ASPM: variants seen among roughly 807,000 people sequenced by gnomAD.
ASPM encodes the protein abnormal spindle-like microcephaly-associated protein.
ASPM carries 256 observed loss-of-function variants against 366.4 expected under a neutral mutation model. The ratio of observed to expected loss-of-function variants is 0.70; its 90% CI spans 0.63 to 0.77. The LOEUF is 0.77. Among genes scored for constraint, ASPM ranks in the 30% least tolerant of loss-of-function variants. The probability of loss-of-function intolerance (pLI) is 0.00; values close to 1 mark genes in which losing one functional copy is unlikely to be tolerated. For missense variants in ASPM, 4,146 were observed against 4,090.4 expected, an observed-to-expected ratio of 1.01 and a Z score of -0.37; for synonymous variants, 1,414 against 1,342.9, an observed-to-expected ratio of 1.05 and a Z score of -1.16.
intron 10 of ASPM, 72 bp from the exon 11 acceptor site, chr1:197,125,263 G>C: frequency 2.0e-6 from 3 of 1,527,748 alleles, no homozygotes; most frequent in Non-Finnish European, 2.7e-6. Flanking sequence ...CTGAAATATA[G>C]TTATTTCCCA....
In ASPM at chr1:197,102,851, T is replaced by C; in HGVS notation, c.6400A>G (p.Ile2134Val). 3 of 1,612,570 alleles carry C rather than the reference T, an allele frequency of 1.9e-6. No homozygotes were observed. Among genetic ancestry groups the C allele is most frequent in the Admixed American group, 1.7e-5 (1 of 59,868 alleles). ...KAMFKMHQSR[I>V]SYHTMRKAAI... The stretch of plus-strand genomic sequence containing the variant: ...GCTTTTCTCATTGTATGGTAACTTA[T>C]TCTTGACTGATGCATTTTAAACATG... The change falls in exon 18 of 28, where the codon ATA (isoleucine) becomes GTA (valine). Residue 2134 changes from isoleucine to valine, a missense_variant. Transcript: ENST00000367409.
At chr1:197,116,046 T>C (rs927548691) in intron 17 of ASPM, among the ~76,000 whole-genome samples, 2 of 152,230 alleles carry the variant, frequency 1.3e-5, no homozygotes, top group African/African-American at 2.4e-5. Context: ...TTTGTCTAGA[T>C]TGAAAACTTT....
chr1:197,117,414 G>A (rs893280659), intron 17 of ASPM, among the ~76,000 whole-genome samples: 15 of 151,994 alleles, frequency 9.9e-5, no homozygotes, highest in Non-Finnish European at 1.0e-4. Flanking sequence ...AGAGAAAAAT[G>A]TGTACAGTTG....
Position 197,101,891 on chromosome 1 carries a change from A to G in ASPM, c.7360T>C (p.Phe2454Leu). 4 of 1,612,880 alleles carry G rather than the reference A, an allele frequency of 2.5e-6. No homozygotes were observed. The highest frequency in any genetic ancestry group is 3.4e-6 in the Non-Finnish European group (4 of 1,179,318). ...TICAKHKLYQ[F>L]LHLRKAAITI... ...ATGGCTGCCTTTCTTAAGTGCAAGA[A>G]TTGGTACAATTTATGTTTGGCACAA... The change falls in exon 18 of 28, where the codon TTC becomes CTC. Residue 2454 changes from phenylalanine to leucine, a missense_variant. Physicochemically the swap from Phe to Leu is conservative, Grantham distance 22 (BLOSUM62 0). Transcript: ENST00000367409.
chr1:197,137,449 A>C (rs1045397554), intron 4 of ASPM, among the ~76,000 whole-genome samples: 29 of 152,216 alleles, frequency 1.9e-4, no homozygotes, highest in African/African-American at 6.5e-4. Context: ...ATGATTTAAC[A>C]ACATGTATAA....
At chr1:197,130,132 A>C (rs1157221482) in intron 7 of ASPM, 76 bp from the exon 8 acceptor site, 8 of 1,470,642 alleles carry the variant, frequency 5.4e-6, no homozygotes, top group Non-Finnish European at 7.5e-6. Flanking sequence ...GGAATGGCAG[A>C]CCATAACCTA....
At chr1:197,120,482 A>T (rs1657874929) in intron 16 of ASPM, among the ~76,000 whole-genome samples, 1 of 152,182 alleles carries the variant, frequency 6.6e-6, no homozygotes, top group Non-Finnish European at 1.5e-5. Context: ...GTGAGCCAAG[A>T]TCGTGCTATT....
In ASPM at chr1:197,103,713, A is replaced by G. The variant is rs138311889; in HGVS notation, c.5538T>C (p.Ser1846=). 53 of 1,612,768 alleles carry G rather than the reference A, an allele frequency of 3.3e-5. No individual in the cohort carries two copies. The Admixed American group carries it at 4.7e-4, about 14-fold the overall frequency. The stretch of plus-strand genomic sequence containing the variant: ...GAATCTTTATTATAGATTGAAGCAC[A>G]GATTGATATTTTACCCTTTTATTAT... ...RGYNKRVKYQ[S]VLQSIIKIQR... is the part of the protein sequence containing the mutation. Residue 1846 remains serine (S), a synonymous_variant, in exon 18 of 28, where the codon TCT becomes TCC. Transcript: ENST00000367409.
rs771571592 is a variant in ASPM at position 197,143,981 on chromosome 1, A to G, written c.417T>C (p.Asn139=). 6.2e-7 allele frequency: 1 copy of G among 1,607,984 alleles called. No individual in the cohort carries two copies. Among genetic ancestry groups the G allele is most frequent in the Non-Finnish European group, 8.5e-7 (1 of 1,174,708 alleles). The change falls in exon 2 of 28, where the codon AAT becomes AAC. Residue 139 remains asparagine, a synonymous_variant. Coordinates refer to ENST00000367409, the MANE Select transcript of ASPM (RefSeq NM_018136.5). The part of the protein sequence containing the change: ...VLKHQAILLG[N]AEEQKKKKRS... ...CCTTTTTCTTTTTCTGCTCTTCTGC[A>G]TTTCCTAGTAATATAGCTTGGTGTT...
intron 19 of ASPM, among the ~76,000 whole-genome samples, chr1:197,095,223 A>G (rs944892159): frequency 6.6e-6 from 1 of 151,716 alleles, no homozygotes; most frequent in Admixed American, 6.6e-5. Flanking sequence ...CCCATTAACC[A>G]GCCTGTCGTT....
chr1:197,122,722 C>A (rs747774123), intron 13 of ASPM, 127 bp from the exon 14 acceptor site: 7 of 894,878 alleles, frequency 7.8e-6, no homozygotes, highest in Non-Finnish European at 1.3e-5. Flanking sequence ...CAAGTAATGG[C>A]AAGTTTGACT....
intron 19 of ASPM, among the ~76,000 whole-genome samples, chr1:197,094,569 G>A (rs778051713): frequency 2.6e-5 from 4 of 151,642 alleles, no homozygotes; most frequent in Non-Finnish European, 4.4e-5. Flanking sequence ...TTGAGCAGAC[G>A]GGAGGTGGTT....
chr1:197,085,831 T>C (rs1656572554), intron 27 of ASPM, among the ~76,000 whole-genome samples: 1 of 152,160 alleles, frequency 6.6e-6, no homozygotes, highest in Non-Finnish European at 1.5e-5. Context: ...GGTAGTTTCC[T>C]AACTGTATAC....
At chr1:197,138,745 C>T (rs1326643884) in intron 4 of ASPM, 2 of 709,682 alleles carry the variant, frequency 2.8e-6, no homozygotes, top group African/African-American at 1.8e-5. Flanking sequence ...TTAAGAGAAA[C>T]GATTATTTCT....
chr1:197,087,020 T>C lies in ASPM; in HGVS notation c.10162-48A>G, dbSNP rs956355075. On this transcript the variant is annotated intron_variant, in intron 26 of 27. Coordinates refer to ENST00000367409, the MANE Select transcript of ASPM (RefSeq NM_018136.5). Reference sequence around the variant, plus strand: ...ACTAAAAAGTAATAAGAATTAAAATTTTATCTCTTTTAGACTAGCAAAATC... The same window carrying C: ...ACTAAAAAGTAATAAGAATTAAAATCTTATCTCTTTTAGACTAGCAAAATC... 8 of 1,505,540 alleles carry C rather than the reference T, an allele frequency of 5.3e-6. No homozygotes were observed. In the Admixed American group the frequency reaches 1.4e-4, roughly 27 times the overall value. 93.3% of individuals were successfully genotyped at this position (1,505,540 alleles called of 1,614,324 possible).
At chr1:197,121,396 A>C (rs575552114) in intron 16 of ASPM, among the ~76,000 whole-genome samples, 3 of 152,274 alleles carry the variant, frequency 2.0e-5, no homozygotes, top group Non-Finnish European at 4.4e-5. Flanking sequence ...AATAGCAGAA[A>C]CCAAAATACC....
chr1:197,095,971 A>T, intron 19 of ASPM, 27 bp downstream of exon 19: 1 of 1,575,326 alleles, frequency 6.3e-7, no homozygotes, highest in South Asian at 1.1e-5. Flanking sequence ...ATACTTTTAC[A>T]CTCTCCACAG....
chr1:197,126,966 C>T (rs1658108746), intron 10 of ASPM, among the ~76,000 whole-genome samples: 1 of 152,156 alleles, frequency 6.6e-6, no homozygotes, highest in Admixed American at 6.5e-5. Context: ...CCACATTCAT[C>T]TTCCTGAAAT....
At chr1:197,107,875 A>C (rs1365576931) in intron 17 of ASPM, among the ~76,000 whole-genome samples, 1 of 152,144 alleles carries the variant, frequency 6.6e-6, no homozygotes, top group Non-Finnish European at 1.5e-5. Flanking sequence ...CAATTATGCT[A>C]TTGTAGTACA....
Sources: gnomAD v4.1 joint callset for allele counts (sites outside exome capture counted in the v4.1 genomes callset) on GRCh38, gnomAD v4.1.1 for gene constraint, MANE v1.5 for transcripts, NCBI Gene and HGNC (gene_info 2026-07-23, HGNC 2026-07-21) for gene names.